Variants in PCDH7 observed in about 807,000 individuals in gnomAD.
PCDH7 encodes protocadherin 7.
PCDH7 carries 17 observed loss-of-function variants against 58.9 expected under a neutral mutation model. That is an observed-to-expected ratio of 0.29 (90% CI 0.20 to 0.43). The LOEUF is 0.43. Among genes scored for constraint, PCDH7 ranks in the 20% least tolerant of loss-of-function variants. The probability of loss-of-function intolerance (pLI) is 1.00; values close to 1 mark genes in which losing one functional copy is unlikely to be tolerated. For synonymous variants in PCDH7, 664 were observed against 616.4 expected, an observed-to-expected ratio of 1.08 and a Z score of -1.14; for missense variants, 1,274 against 1,441.0, an observed-to-expected ratio of 0.88 and a Z score of 1.88.
intron 1 of PCDH7, among the ~76,000 whole-genome samples, chr4:30,910,782 A>G (rs1452832431): frequency 6.6e-6 from 1 of 152,162 alleles, no homozygotes; most frequent in Non-Finnish European, 1.5e-5. Flanking sequence ...TAGAAATACC[A>G]TTTGACCCAG....
chr4:31,064,553 T>C (rs1172013544), intron 3 of PCDH7, among the ~76,000 whole-genome samples: 1 of 151,990 alleles, frequency 6.6e-6, no homozygotes, highest in Non-Finnish European at 1.5e-5. Flanking sequence ...TCAGAGCCTC[T>C]AAAGTAGAAC....
In PCDH7 at chr4:30,743,485, GA is replaced by G. The variant is rs977381847; in HGVS notation, c.70+18898del. 4.2e-3 allele frequency among the ~76,000 whole-genome samples: 585 copies of G among 140,744 alleles called. 2 individuals carry two copies. The highest frequency in any genetic ancestry group is 0.014 in the African/African-American group (538 of 38,182). 92.3% of individuals were successfully genotyped at this position (140,744 alleles called of 152,430 possible). A position where few individuals can be genotyped will look rare whatever the true frequency, so the allele number is the denominator to read the frequency against. ...TGCTGGGCCTTTTTACTGAATAATT[GA>G]AAAAAAAACTGGGTGGGGGAGGGAC... On this transcript the variant is annotated intron_variant, in intron 1 of 3. Coordinates refer to the PCDH7 transcript ENST00000509759.
intron 3 of PCDH7, among the ~76,000 whole-genome samples, chr4:30,962,986 C>T (rs35117412): frequency 0.051 from 7,815 of 152,126 alleles, 434 homozygotes; most frequent in East Asian, 0.28. Context: ...GTCACATTGT[C>T]ATCAGTGTTA....
chr4:30,937,732 A>G (rs1745525607), intron 2 of PCDH7, among the ~76,000 whole-genome samples: 1 of 152,054 alleles, frequency 6.6e-6, no homozygotes, highest in Non-Finnish European at 1.5e-5. Flanking sequence ...AAGTGGATCA[A>G]TGACTCAGCT....
At chr4:30,778,712 C>G (rs1428051624) in intron 1 of PCDH7, among the ~76,000 whole-genome samples, 2 of 151,888 alleles carry the variant, frequency 1.3e-5, no homozygotes, top group Non-Finnish European at 2.9e-5. Flanking sequence ...TAAAAGGATA[C>G]CGGTGTAACT....
At chr4:30,845,027 C>A (rs1025310388) in intron 1 of PCDH7, among the ~76,000 whole-genome samples, 2 of 152,076 alleles carry the variant, frequency 1.3e-5, no homozygotes, top group African/African-American at 2.4e-5. Context: ...ACACCAAAAC[C>A]ACTAATCTTC....
At chr4:31,015,204 G>A (rs1753507816) in intron 3 of PCDH7, among the ~76,000 whole-genome samples, 1 of 152,128 alleles carries the variant, frequency 6.6e-6, no homozygotes, top group Non-Finnish European at 1.5e-5. Context: ...GCTACTTCAT[G>A]CCCTTGTCTT....
intron 1 of PCDH7, among the ~76,000 whole-genome samples, chr4:30,905,503 G>T (rs1044371084): frequency 4.6e-5 from 7 of 151,898 alleles, no homozygotes; most frequent in Non-Finnish European, 1.0e-4. Context: ...AGAAACCTTT[G>T]CTTGTATTCT....
intron 1 of PCDH7, among the ~76,000 whole-genome samples, chr4:30,912,486 A>G (rs912798526): frequency 6.6e-6 from 1 of 152,170 alleles, no homozygotes; most frequent in Admixed American, 6.5e-5. Flanking sequence ...ATTCTGTTTG[A>G]TGGACATAAC....
intron 3 of PCDH7, among the ~76,000 whole-genome samples, chr4:30,978,538 G>T (rs975167049): frequency 6.6e-6 from 1 of 152,020 alleles, no homozygotes; most frequent in Non-Finnish European, 1.5e-5. Context: ...GTTCAAACGT[G>T]CATATGTTTA....
intron 3 of PCDH7, among the ~76,000 whole-genome samples, chr4:31,073,473 A>C (rs2109256226): frequency 6.6e-6 from 1 of 152,280 alleles, no homozygotes; most frequent in Non-Finnish European, 1.5e-5. Context: ...TCTAATATAA[A>C]CCTCTTAATT....
rs1250856832 is a variant in PCDH7 at position 30,723,176 on chromosome 4, A to T, written c.1754A>T (p.Asp585Val). 41 of 1,613,996 alleles carry T rather than the reference A, an allele frequency of 2.5e-5. No homozygotes were observed. The highest frequency in any genetic ancestry group is 2.7e-5 in the Non-Finnish European group (32 of 1,180,038). The change falls in exon 1 of 2, where the codon GAT becomes GTT. Residue 585 changes from aspartate to valine, a missense_variant. By Grantham distance (152) the Asp-to-Val change is radical (BLOSUM62 -3). This residue lies in a region of PCDH7 where 731 missense variants were observed against 881.9 expected (regional missense o/e 0.83). Transcript: ENST00000361762. This position sits in a 1 kb window ranked among gnomAD's most constrained non-coding sequence, Gnocchi z 4.6. ...TCTGTGATGGGGATCTTTGCCATCG[A>T]TCCCGATTCTGGGGACATCCTGGTC...
At chr4:31,014,548 G>T (rs190933664) in intron 3 of PCDH7, among the ~76,000 whole-genome samples, 1 of 152,046 alleles carries the variant, frequency 6.6e-6, no homozygotes, top group Non-Finnish European at 1.5e-5. Context: ...ACAACTACAC[G>T]TAAGCCAGTT....
At chr4:30,747,459 T>A (rs140451149) in intron 1 of PCDH7, among the ~76,000 whole-genome samples, 10 of 152,300 alleles carry the variant, frequency 6.6e-5, no homozygotes, top group African/African-American at 2.4e-4. Context: ...CAAGGTCATG[T>A]TTCTTTCTGT....
intron 1 of PCDH7, among the ~76,000 whole-genome samples, chr4:30,844,235 G>A (rs1432329129): frequency 1.3e-5 from 2 of 152,268 alleles, no homozygotes; most frequent in South Asian, 2.1e-4. Flanking sequence ...TCAACAATAC[G>A]ATCCCAAACT....
chr4:30,988,574 G>A (rs1049513514), intron 3 of PCDH7, among the ~76,000 whole-genome samples: 4 of 152,062 alleles, frequency 2.6e-5, no homozygotes, highest in African/African-American at 7.2e-5. Flanking sequence ...TTCTATATTT[G>A]TGAACTATTT....
At chr4:30,901,941 T>C (rs887191779) in intron 1 of PCDH7, among the ~76,000 whole-genome samples, 2 of 152,182 alleles carry the variant, frequency 1.3e-5, no homozygotes, top group Non-Finnish European at 2.9e-5. Flanking sequence ...GTCAAGGCCA[T>C]GACATTGCCT....
chr4:30,723,274 G>A lies in PCDH7; in HGVS notation c.1852G>A (p.Val618Met), dbSNP rs377171061. Residue 618 changes from valine to methionine, a missense_variant, in exon 1 of 2, where the codon GTG becomes ATG. Transcript: ENST00000361762. The surrounding 1 kb of genome is among the most constrained non-coding windows in gnomAD (Gnocchi z 4.6). ...TAACGCCAAAGACAAAGGCATCCCCGTGCTGCAGGGCAGCACTACGGTGAT... is the reference window on the plus strand; with the variant it reads ...TAACGCCAAAGACAAAGGCATCCCCATGCTGCAGGGCAGCACTACGGTGAT... The A allele has an allele frequency of 4.3e-6, 7 of 1,614,086 alleles. No individual in the cohort carries two copies. The highest frequency in any genetic ancestry group is 4.0e-5 in the African/African-American group (3 of 74,936).
intron 3 of PCDH7, among the ~76,000 whole-genome samples, chr4:30,978,491 G>C (rs954999332): frequency 5.9e-5 from 9 of 152,010 alleles, no homozygotes; most frequent in Admixed American, 5.9e-4. Flanking sequence ...TTTTTATATT[G>C]AGAAGTGCTG....
Sources: allele counts gnomAD v4.1 joint callset (sites outside exome capture counted in the v4.1 genomes callset), GRCh38; gene constraint gnomAD v4.1.1; regional missense constraint gnomAD v4.1.1; non-coding constraint Gnocchi (gnomAD v3.1); transcripts MANE v1.5; gene names NCBI Gene and HGNC (gene_info 2026-07-23, HGNC 2026-07-21).